ABHD8: variants seen among roughly 807,000 people sequenced by gnomAD.
ABHD8 encodes the protein protein ABHD8.
In ABHD8, 10 loss-of-function variants were observed where a neutral mutation model predicts 29.3. The ratio of observed to expected loss-of-function variants is 0.34; its 90% CI spans 0.21 to 0.58. ABHD8 has a LOEUF of 0.58. ABHD8 is among the 20% of genes least tolerant of loss of function. The pLI, the probability that ABHD8 is intolerant of heterozygous loss-of-function variation, is 0.85. For missense variants in ABHD8, 556 were observed against 615.3 expected (o/e 0.90, Z 1.02); for synonymous variants, 282 against 274.6 (o/e 1.03, Z -0.27).
At chr19:17,295,230 C>T (rs1176753561) in intron 2 of ABHD8, among the ~76,000 whole-genome samples, 2 of 151,832 alleles carry the variant, frequency 1.3e-5, no homozygotes, top group Admixed American at 1.3e-4. Flanking sequence ...CTCAGCCTCC[C>T]GAGTAGCTGG....
chr19:17,300,250 G>A (rs2074111404), intron 2 of ABHD8, among the ~76,000 whole-genome samples: 1 of 151,868 alleles, frequency 6.6e-6, no homozygotes, highest in South Asian at 2.1e-4. Flanking sequence ...ATGCTGCCCA[G>A]GCTGGAGTGC....
intron 2 of ABHD8, among the ~76,000 whole-genome samples, chr19:17,295,619 G>A (rs1290457338): frequency 6.6e-6 from 1 of 152,080 alleles, no homozygotes; most frequent in Admixed American, 6.6e-5. Flanking sequence ...TGTTGCTCAG[G>A]CTGGTCGAGA....
rs577961707 is a variant in ABHD8, at chr19:17,302,432, T to A, written c.-8-808A>T. The stretch of plus-strand genomic sequence containing the variant: ...CCAGGTATGCACTCACTAACTCACA[T>A]ATCCCCAGGGCCTCCTAAGGCATCT... On this transcript the variant is annotated intron_variant, in intron 1 of 4. Coordinates refer to ENST00000247706, the MANE Select transcript of ABHD8 (RefSeq NM_024527.5). Among the ~76,000 whole-genome samples the A allele has an allele frequency of 2.6e-5, 4 of 152,310 alleles. No individual in the cohort carries two copies. The East Asian group carries it at 7.7e-4, about 29-fold the overall frequency.
At chr19:17,295,364 C>G (rs948049256) in intron 2 of ABHD8, among the ~76,000 whole-genome samples, 1 of 152,088 alleles carries the variant, frequency 6.6e-6, no homozygotes, top group African/African-American at 2.4e-5. Context: ...GCCTCGGCCT[C>G]CCAAAGTGCT....
chr19:17,294,601 C>A lies in ABHD8; in HGVS notation c.932+74G>T. 3.7e-6 allele frequency: 6 copies of A among 1,606,512 alleles called. No individual in the cohort carries two copies. In the South Asian group the frequency reaches 4.4e-5, roughly 12 times the overall value. On this transcript the variant is annotated intron_variant, in intron 3 of 4. Coordinates refer to ENST00000247706, the MANE Select transcript of ABHD8 (RefSeq NM_024527.5). ...CCCTAGTCCCAGCGGTACAGTCCCC[C>A]CTCCCATCCAACTCGAGCAGATGCC...
At position 17,292,815 on chromosome 19, in the gene ABHD8, A is replaced by G; in HGVS notation, c.1166T>C (p.Phe389Ser). 1 of 1,612,738 alleles carries G rather than the reference A, an allele frequency of 6.2e-7. No homozygotes were observed. Among genetic ancestry groups the G allele is most frequent in the Non-Finnish European group, 8.5e-7 (1 of 1,179,318 alleles). The change falls in exon 5 of 5, where the codon TTC becomes TCC. Residue 389 changes from phenylalanine to serine, a missense_variant. Coordinates refer to ENST00000247706, the MANE Select transcript of ABHD8 (RefSeq NM_024527.5). ...QRMAEILLLAFLKLIDEGSHM... is the reference protein window; with the variant it reads ...QRMAEILLLASLKLIDEGSHM... ...GCTGCCCTCGTCGATGAGCTTCAGG[A>G]ATGCCAGGAGCAGGATCTGCAGAAG...
rs572564264 is a variant in ABHD8, at chr19:17,294,966, C to T, written c.762-121G>A. On this transcript the variant is annotated intron_variant, in intron 2 of 4. Coordinates refer to ENST00000247706, the MANE Select transcript of ABHD8 (RefSeq NM_024527.5). ...TTTGAGACAGTTTTACTCTGTCCCC[C>T]AGGCTGGAATGCAGTGGCTCCATCT... 1.8e-4 allele frequency: 225 copies of T among 1,261,720 alleles called. No homozygotes were observed. In the Middle Eastern group the frequency reaches 2.0e-3, roughly 11 times the overall value. The allele number at this position is 1,261,720 out of a possible 1,614,324, so 78.2% of individuals were successfully genotyped here. A position where few individuals can be genotyped will look rare whatever the true frequency, so the allele number is the denominator to read the frequency against.
intron 2 of ABHD8, chr19:17,296,671 T>C (rs2074094919): frequency 6.6e-6 from 1 of 152,060 alleles, no homozygotes; most frequent in Non-Finnish European, 1.5e-5. Flanking sequence ...CTTTTGGAGA[T>C]TTGAAAAATG....
At chr19:17,295,674 C>T (rs867999753) in intron 2 of ABHD8, among the ~76,000 whole-genome samples, 2 of 151,874 alleles carry the variant, frequency 1.3e-5, no homozygotes, top group East Asian at 1.9e-4. Context: ...TCCCAAAGTG[C>T]GGGGATTACA....
At position 17,294,481 on chromosome 19, in the gene ABHD8, G is replaced by A; in HGVS notation, c.956C>T (p.Ala319Val). The change falls in exon 4 of 5, where the codon GCC becomes GTC. Residue 319 changes from alanine (A) to valine (V), a missense_variant. Physicochemically the swap from Ala to Val is moderately conservative, Grantham distance 64. Around this residue, in one of 2 missense-constraint regions of ABHD8, gnomAD observed 270 missense variants for 353.9 expected, o/e 0.76. Transcript: ENST00000247706. ...FLKAGFARQGAKEKQLLKEGN... is the reference protein window; with the variant it reads ...FLKAGFARQGVKEKQLLKEGN... ...CTCCTTTAACAGCTGCTTCTCCTTG[G>A]CTCCTTGGCGGGCGAAGCCGGCCCT... is the stretch of plus-strand genomic sequence containing the variant. The A allele has an allele frequency of 6.2e-7, 1 of 1,614,138 alleles. No homozygotes were observed. The highest frequency in any genetic ancestry group is 8.5e-7 in the Non-Finnish European group (1 of 1,180,012).
intron 1 of ABHD8, chr19:17,302,894 G>GCTGC (rs973370052): frequency 6.6e-6 from 1 of 152,558 alleles, no homozygotes; most frequent in African/African-American, 2.4e-5. Context: ...GATGGGACCA[G>GCTGC]CTGCCTGCCT....
intron 2 of ABHD8, chr19:17,298,423 A>G (rs1273132239): frequency 6.6e-6 from 1 of 152,142 alleles, no homozygotes; most frequent in Non-Finnish European, 1.5e-5. Flanking sequence ...GGAGTGAATT[A>G]CAGTAACCCA....
intron 2 of ABHD8, 137 bp downstream of exon 2, chr19:17,300,710 TCAGGTGATC>T: frequency 4.7e-6 from 5 of 1,056,256 alleles, no homozygotes; most frequent in Non-Finnish European, 6.8e-6. Flanking sequence ...ACTCCCAACC[TCAGGTGATC>T]CGCCTGCCTC....
At chr19:17,293,368 A>G (rs2074079322) in intron 4 of ABHD8, among the ~76,000 whole-genome samples, 1 of 150,932 alleles carries the variant, frequency 6.6e-6, no homozygotes, top group Non-Finnish European at 1.5e-5. Flanking sequence ...AAGTGCTGGG[A>G]TTACAGGAGT....
rs755933630 is a variant in ABHD8, at chr19:17,301,091, C to A, written c.526G>T (p.Val176Leu). 6.2e-7 allele frequency: 1 copy of A among 1,613,488 alleles called. No individual in the cohort carries two copies. Among genetic ancestry groups the A allele is most frequent in the African/African-American group, 1.3e-5 (1 of 75,084 alleles). ...ACACCATGGATGAAAAAGAGCACCA[C>A]GTCGGCCTGGGCGCCTTTGCAGCTA... ...ITSCKGAQAD[V>L]VLFFIHGVGG... Residue 176 changes from valine to leucine, a missense_variant, in exon 2 of 5, where the codon GTG (valine) becomes TTG (leucine). This residue lies in a region of ABHD8 where 286 missense variants were observed against 261.4 expected (regional missense o/e 1.09). Coordinates refer to ENST00000247706, the MANE Select transcript of ABHD8 (RefSeq NM_024527.5).
rs1198619549 is a variant in ABHD8 at position 17,301,392 on chromosome 19, C to G, written c.225G>C (p.Leu75Phe). 6.2e-7 allele frequency: 1 copy of G among 1,611,646 alleles called. No homozygotes were observed. Among genetic ancestry groups the G allele is most frequent in the African/African-American group, 1.3e-5 (1 of 74,954 alleles). ...CGGTGATCCGGCGCTGACAGCGGACCAAGCCGGAGAGGTCCCCCTGGGCTG... is the reference window on the plus strand; with the variant it reads ...CGGTGATCCGGCGCTGACAGCGGACGAAGCCGGAGAGGTCCCCCTGGGCTG... ...SDAAQGDLSG[L>F]VRCQRRITVY... is the part of the protein sequence containing the mutation. The change falls in exon 2 of 5, where the codon TTG (leucine) becomes TTC (phenylalanine). Residue 75 changes from leucine (L) to phenylalanine (F), a missense_variant. Physicochemically the swap from Leu to Phe is conservative, Grantham distance 22. Transcript: ENST00000247706.
At chr19:17,298,735 CTTTTTTT>C (rs34731394) in intron 2 of ABHD8, among the ~76,000 whole-genome samples, 1 of 70,422 alleles carries the variant, frequency 1.4e-5, no homozygotes, top group Admixed American at 2.1e-4. Flanking sequence ...AACAACACTG[CTTTTTTT>C]TTTTTTTTTT....
At chr19:17,294,525 G>A (rs1199043453) in intron 3 of ABHD8, 21 bp from the exon 4 acceptor site, 3 of 1,613,114 alleles carry the variant, frequency 1.9e-6, no homozygotes, top group Admixed American at 3.3e-5. Flanking sequence ...TGGAGGCACC[G>A]CTAGAGCCCC....
At position 17,301,149 on chromosome 19, in the gene ABHD8, C is replaced by A; in HGVS notation, c.468G>T (p.Arg156Ser). ...GRRRRARRPK[R>S]TIHIDCEKRI... The stretch of plus-strand genomic sequence containing the variant: ...GCTTCTCACAGTCAATATGGATGGT[C>A]CTCTTGGGGCGCCTGGCTCGCCGCC... The change falls in exon 2 of 5, where the codon AGG (arginine) becomes AGT (serine). Residue 156 changes from arginine to serine, a missense_variant. By Grantham distance (110) the Arg-to-Ser change is moderately radical. Around this residue, in one of 2 missense-constraint regions of ABHD8, gnomAD observed 286 missense variants for 261.4 expected, o/e 1.09. Coordinates refer to ENST00000247706, the MANE Select transcript of ABHD8 (RefSeq NM_024527.5). The A allele has an allele frequency of 1.9e-6, 3 of 1,611,866 alleles. No homozygotes were observed. The highest frequency in any genetic ancestry group is 2.5e-6 in the Non-Finnish European group (3 of 1,179,732).
Sources: gnomAD v4.1 joint callset for allele counts (sites outside exome capture counted in the v4.1 genomes callset) on GRCh38, gnomAD v4.1.1 for gene constraint, gnomAD v4.1.1 regional missense constraint, MANE v1.5 for transcripts, NCBI Gene and HGNC (gene_info 2026-07-23, HGNC 2026-07-21) for gene names.